TLK1: variants seen among roughly 807,000 people sequenced by gnomAD.
TLK1 encodes the protein tousled like kinase 1.
Under a neutral mutation model 105.3 loss-of-function variants are expected in TLK1, and 24 were observed. The observed-to-expected ratio is 0.23, with a 90% confidence interval of 0.17 to 0.32. TLK1 has a LOEUF of 0.32. Ranked by LOEUF, TLK1 falls within the 10% of genes least tolerant of loss-of-function variation. The pLI is 1.00. For synonymous variants in TLK1, 321 were observed against 310.4 expected, an observed-to-expected ratio of 1.03 and a Z score of -0.36; for missense variants, 558 against 910.5, an observed-to-expected ratio of 0.61 and a Z score of 4.98.
chr2:171,096,216 G>A (rs1226307604), intron 2 of TLK1, among the ~76,000 whole-genome samples: 1 of 152,140 alleles, frequency 6.6e-6, no homozygotes, highest in East Asian at 1.9e-4. Flanking sequence ...AAAATCAGTT[G>A]TGGAAGGGCA....
intron 2 of TLK1, among the ~76,000 whole-genome samples, chr2:171,086,625 C>CAA (rs1273777981): frequency 1.3e-5 from 1 of 78,628 alleles, no homozygotes; most frequent in African/African-American, 4.9e-5. Flanking sequence ...GACTCCGTCT[C>CAA]AAAAAAAACA....
At chr2:171,029,178 T>A (rs1157292470) in intron 11 of TLK1, among the ~76,000 whole-genome samples, 1 of 152,194 alleles carries the variant, frequency 6.6e-6, no homozygotes, top group African/African-American at 2.4e-5. Context: ...AGAATTTCAG[T>A]TTTACTCTAA....
chr2:171,124,066 A>C (rs1197866904), intron 1 of TLK1, among the ~76,000 whole-genome samples: 1 of 152,122 alleles, frequency 6.6e-6, no homozygotes, highest in Non-Finnish European at 1.5e-5. Flanking sequence ...TCTCCACTAC[A>C]AAATTAAACA....
At chr2:171,015,705 ACACACACACACACACACACACACACACC>A (rs1347505642) in intron 12 of TLK1, among the ~76,000 whole-genome samples, 14 of 22,676 alleles carry the variant, frequency 6.2e-4, no homozygotes, top group Non-Finnish European at 1.9e-3. Context: ...ACACATATAC[ACACACACACACACACACACACACACACC>A]CACCCCTTTT....
intron 1 of TLK1, among the ~76,000 whole-genome samples, chr2:171,208,665 T>C (rs1693553558): frequency 6.6e-6 from 1 of 152,224 alleles, no homozygotes; most frequent in Admixed American, 6.5e-5. Context: ...TGCTGCTAAA[T>C]GTAACAAAAG....
At chr2:171,150,487 T>C (rs947149823) in intron 1 of TLK1, among the ~76,000 whole-genome samples, 1 of 152,196 alleles carries the variant, frequency 6.6e-6, no homozygotes, top group African/African-American at 2.4e-5. Flanking sequence ...TTCTGTGGGT[T>C]CCCCAACTCA....
intron 17 of TLK1, 88 bp from the exon 18 acceptor site, chr2:171,006,370 T>C: frequency 6.8e-7 from 1 of 1,474,734 alleles, no homozygotes; most frequent in Non-Finnish European, 9.1e-7. Flanking sequence ...ATTTTACTGA[T>C]GTCTTACAAG....
intron 13 of TLK1, 113 bp from the exon 14 acceptor site, chr2:171,011,567 C>A: frequency 1.2e-6 from 1 of 801,462 alleles, no homozygotes; most frequent in East Asian, 2.8e-5. Flanking sequence ...TCAGTTACTC[C>A]ACTGCTAATT....
chr2:171,189,090 A>C (rs1693093107), intron 1 of TLK1, among the ~76,000 whole-genome samples: 1 of 152,222 alleles, frequency 6.6e-6, no homozygotes, highest in South Asian at 2.1e-4. Flanking sequence ...ATCTGAAGTG[A>C]AATATCCATG....
intron 1 of TLK1, among the ~76,000 whole-genome samples, chr2:171,174,842 C>CT (rs35573965): frequency 3.0e-4 from 45 of 150,780 alleles, no homozygotes; most frequent in Middle Eastern, 3.4e-3. Flanking sequence ...GATTCACCAT[C>CT]TTTTTTTTTA....
chr2:171,140,043 T>C (rs973683041), intron 1 of TLK1, among the ~76,000 whole-genome samples: 3 of 152,144 alleles, frequency 2.0e-5, no homozygotes, highest in African/African-American at 7.2e-5. Context: ...CCTCCCGCTG[T>C]GTGGCTCATT....
chr2:171,160,256 G>C lies in TLK1; in HGVS notation c.139+34C>G. 3 of 1,465,058 alleles carry C rather than the reference G, an allele frequency of 2.0e-6. No individual in the cohort carries two copies. Among genetic ancestry groups the C allele is most frequent in the South Asian group, 1.4e-5 (1 of 71,888 alleles). 90.8% of individuals were successfully genotyped at this position (1,465,058 alleles called of 1,614,324 possible). ...GGGGGTCCGCGGCGCGGGAGAGGAG[G>C]CCCGCGAGCGGGCGCGGGCGCGGCG... On this transcript the variant is annotated intron_variant, in intron 1 of 20. Coordinates refer to ENST00000431350, the MANE Select transcript of TLK1 (RefSeq NM_012290.5). This position sits in a 1 kb window ranked among gnomAD's most constrained non-coding sequence, Gnocchi z 4.4.
intron 1 of TLK1, among the ~76,000 whole-genome samples, chr2:171,145,982 T>C (rs1342287676): frequency 6.6e-6 from 1 of 152,122 alleles, no homozygotes; most frequent in African/African-American, 2.4e-5. Context: ...CAGTGGTCGT[T>C]ACACAGGTCA....
intron 2 of TLK1, among the ~76,000 whole-genome samples, chr2:171,104,051 G>A (rs1689809968): frequency 6.6e-6 from 1 of 152,184 alleles, no homozygotes; most frequent in Admixed American, 6.5e-5. Flanking sequence ...CACTTTGGGA[G>A]GATCACTTGA....
In TLK1 at chr2:170,991,180, C is replaced by T. The variant is rs1001477770; in HGVS notation, c.*2600G>A. On this transcript the variant is annotated 3_prime_UTR_variant, in exon 21 of 21. Transcript: ENST00000431350. Reference sequence around the variant, plus strand: ...ATATGCAAAAACTGTTGATTTTACCCTACATCAGTGCTGACTCTTAATAAA... The same window carrying T: ...ATATGCAAAAACTGTTGATTTTACCTTACATCAGTGCTGACTCTTAATAAA... 7 of 152,078 alleles carry T rather than the reference C, an allele frequency of 4.6e-5. No individual in the cohort carries two copies. The allele number at this position is 152,078 out of a possible 1,614,324, so 9.4% of individuals were successfully genotyped here.
At chr2:171,040,954 A>G (rs1193074818) in intron 11 of TLK1, among the ~76,000 whole-genome samples, 2 of 152,226 alleles carry the variant, frequency 1.3e-5, no homozygotes, top group Non-Finnish European at 2.9e-5. Context: ...TATATGAGGT[A>G]AAATATTACT....
chr2:171,011,635 C>T (rs1442362800), intron 13 of TLK1, among the ~76,000 whole-genome samples, 181 bp from the exon 14 acceptor site: 1 of 152,186 alleles, frequency 6.6e-6, no homozygotes, highest in African/African-American at 2.4e-5. Flanking sequence ...ATGACTACCA[C>T]CCATCTTAAG....
chr2:171,043,344 T>C (rs965613690), intron 11 of TLK1, among the ~76,000 whole-genome samples: 1 of 152,128 alleles, frequency 6.6e-6, no homozygotes, highest in Non-Finnish European at 1.5e-5. Flanking sequence ...AGTCTGAATG[T>C]TGGCAGTGAA....
At chr2:171,020,597 CAATT>C (rs997676670) in intron 12 of TLK1, among the ~76,000 whole-genome samples, 6 of 147,930 alleles carry the variant, frequency 4.1e-5, no homozygotes, top group African/African-American at 1.2e-4. Flanking sequence ...TGCAAAAAAA[CAATT>C]AAGGAGAAAA....
Sources: gnomAD v4.1 joint callset for allele counts (sites outside exome capture counted in the v4.1 genomes callset) on GRCh38, gnomAD v4.1.1 for gene constraint, Gnocchi (gnomAD v3.1) non-coding constraint, MANE v1.5 for transcripts, NCBI Gene and HGNC (gene_info 2026-07-23, HGNC 2026-07-21) for gene names.